TRPS1: variants seen among roughly 807,000 people sequenced by gnomAD.
TRPS1 encodes zinc finger transcription factor Trps1.
TRPS1 carries 6 observed loss-of-function variants against 101.2 expected under a neutral mutation model. That is an observed-to-expected ratio of 0.06 (90% CI 0.03 to 0.12). The LOEUF (loss-of-function observed/expected upper bound fraction) is 0.12, where lower values mean the gene tolerates loss of function less well. TRPS1 is among the 10% of genes least tolerant of loss of function. The pLI, the probability that TRPS1 is intolerant of heterozygous loss-of-function variation, is 1.00. For synonymous variants in TRPS1, 578 were observed against 589.8 expected, an observed-to-expected ratio of 0.98 and a Z score of 0.29; for missense variants, 1,363 against 1,567.0, an observed-to-expected ratio of 0.87 and a Z score of 2.20.
intron 5 of TRPS1, among the ~76,000 whole-genome samples, chr8:115,559,037 T>C (rs1446893673): frequency 1.3e-5 from 2 of 152,132 alleles, no homozygotes; most frequent in Non-Finnish European, 2.9e-5. Context: ...CATTTCAAAA[T>C]CTACTAAACA....
intron 5 of TRPS1, among the ~76,000 whole-genome samples, chr8:115,539,178 C>G (rs11778934): frequency 0.61 from 92,126 of 151,986 alleles, 28,388 homozygotes; most frequent in East Asian, 0.84. Flanking sequence ...GCAAAGAACC[C>G]TTCCCTAGGC....
At chr8:115,541,320 C>G (rs920362333) in intron 5 of TRPS1, among the ~76,000 whole-genome samples, 2 of 152,112 alleles carry the variant, frequency 1.3e-5, no homozygotes, top group Non-Finnish European at 2.9e-5. Context: ...TTTTTCACCA[C>G]AGTGCAAAAT....
At chr8:115,623,238 C>A (rs924081135) in intron 2 of TRPS1, among the ~76,000 whole-genome samples, 1 of 151,854 alleles carries the variant, frequency 6.6e-6, no homozygotes, top group African/African-American at 2.4e-5. Context: ...TCAAAGAAAT[C>A]TCTGAAAGGT....
At chr8:115,462,486 C>T (rs1419375266) in intron 5 of TRPS1, among the ~76,000 whole-genome samples, 1 of 152,046 alleles carries the variant, frequency 6.6e-6, no homozygotes, top group Non-Finnish European at 1.5e-5. Flanking sequence ...TTGAATGGTG[C>T]AAATTAAGCA....
chr8:115,642,037 A>C (rs1258390110), intron 1 of TRPS1, among the ~76,000 whole-genome samples: 1 of 151,850 alleles, frequency 6.6e-6, no homozygotes, highest in Non-Finnish European at 1.5e-5. Context: ...ATACAGCAAG[A>C]CTCCGTCTTT....
chr8:115,649,158 T>A (rs1811503647), intron 1 of TRPS1, among the ~76,000 whole-genome samples: 1 of 152,226 alleles, frequency 6.6e-6, no homozygotes, highest in African/African-American at 2.4e-5. Context: ...CCTGAATTAT[T>A]ACTAAAAACA....
chr8:115,607,093 T>G (rs1036319216), intron 3 of TRPS1, among the ~76,000 whole-genome samples: 2 of 152,124 alleles, frequency 1.3e-5, no homozygotes, highest in Non-Finnish European at 2.9e-5. Context: ...TCACTATTTC[T>G]TTGATTTTGC....
chr8:115,614,586 T>A (rs1009129693), intron 3 of TRPS1, among the ~76,000 whole-genome samples: 5 of 152,234 alleles, frequency 3.3e-5, no homozygotes, highest in Admixed American at 6.5e-5. Flanking sequence ...GCACACTTTA[T>A]TACTTGTTAA....
intron 5 of TRPS1, among the ~76,000 whole-genome samples, chr8:115,566,380 G>A (rs977128565): frequency 8.5e-5 from 13 of 152,106 alleles, no homozygotes; most frequent in African/African-American, 3.1e-4. Context: ...AAGGCCAGTT[G>A]GCAAAATAGA....
chr8:115,474,378 G>GGGATGGAT (rs10641080), intron 5 of TRPS1, among the ~76,000 whole-genome samples: 22 of 151,972 alleles, frequency 1.4e-4, no homozygotes, highest in African/African-American at 5.1e-4. Flanking sequence ...AAAATTCTCT[G>GGGATGGAT]GGATGGATGG....
At chr8:115,538,635 C>G (rs1816380012) in intron 5 of TRPS1, among the ~76,000 whole-genome samples, 1 of 151,260 alleles carries the variant, frequency 6.6e-6, no homozygotes, top group African/African-American at 2.4e-5. Context: ...TTCTGAGATG[C>G]ATTCATTTTT....
At chr8:115,516,918 T>C (rs1456883601) in intron 5 of TRPS1, among the ~76,000 whole-genome samples, 1 of 151,436 alleles carries the variant, frequency 6.6e-6, no homozygotes, top group African/African-American at 2.4e-5. Context: ...GTGTGAACAA[T>C]TAGTAGAATT....
chr8:115,496,087 C>A (rs972244964), intron 5 of TRPS1, among the ~76,000 whole-genome samples: 1 of 152,120 alleles, frequency 6.6e-6, no homozygotes, highest in Non-Finnish European at 1.5e-5. Flanking sequence ...CTTAGTTGAG[C>A]AACTAACTAC....
At chr8:115,566,178 T>A (rs1817063312) in intron 5 of TRPS1, among the ~76,000 whole-genome samples, 1 of 152,186 alleles carries the variant, frequency 6.6e-6, no homozygotes. Context: ...CATTTAAGTC[T>A]TAGCAGGTGG....
chr8:115,597,824 T>C (rs1461679175), intron 4 of TRPS1, among the ~76,000 whole-genome samples: 1 of 152,188 alleles, frequency 6.6e-6, no homozygotes, highest in Non-Finnish European at 1.5e-5. Flanking sequence ...ATAGGCTATT[T>C]GTAATAAATT....
intron 5 of TRPS1, among the ~76,000 whole-genome samples, chr8:115,573,841 C>T (rs913425940): frequency 6.6e-6 from 1 of 152,130 alleles, no homozygotes; most frequent in Admixed American, 6.6e-5. Flanking sequence ...TGTAATCTTA[C>T]ATTGTTTCTT....
intron 5 of TRPS1, among the ~76,000 whole-genome samples, chr8:115,546,369 A>C (rs1816572564): frequency 6.6e-6 from 1 of 152,092 alleles, no homozygotes; most frequent in East Asian, 1.9e-4. Context: ...TTTCTCTAAC[A>C]ATCAAATCTA....
chr8:115,519,412 A>G (rs1359150682), intron 5 of TRPS1, among the ~76,000 whole-genome samples: 1 of 151,670 alleles, frequency 6.6e-6, no homozygotes, highest in African/African-American at 2.4e-5. Flanking sequence ...TTTAGAAATC[A>G]TGTCCCAGTT....
intron 5 of TRPS1, among the ~76,000 whole-genome samples, chr8:115,467,679 T>C (rs1181600952): frequency 6.6e-6 from 1 of 152,126 alleles, no homozygotes; most frequent in Non-Finnish European, 1.5e-5. Context: ...TAGCAAGCTA[T>C]AAAGTCACTA....
Sources: gnomAD v4.1 joint callset for allele counts (sites outside exome capture counted in the v4.1 genomes callset) on GRCh38, gnomAD v4.1.1 for gene constraint, MANE v1.5 for transcripts, NCBI Gene and HGNC (gene_info 2026-07-23, HGNC 2026-07-21) for gene names.